EYA2: variants seen among roughly 807,000 people sequenced by gnomAD.
EYA2 encodes protein phosphatase EYA2.
Under a neutral mutation model 69.2 loss-of-function variants are expected in EYA2, and 31 were observed. The observed-to-expected ratio is 0.45, with a 90% CI of 0.34 to 0.60. The LOEUF is 0.60. EYA2 is among the 20% of genes least tolerant of loss of function. EYA2 has a pLI of 0.02. For missense variants in EYA2, 622 were observed against 701.2 expected, an observed-to-expected ratio of 0.89 and a Z score of 1.28; for synonymous variants, 257 against 279.4, an observed-to-expected ratio of 0.92 and a Z score of 0.80.
chr20:47,171,993 G>A (rs1473629865), intron 11 of EYA2, among the ~76,000 whole-genome samples: 1 of 151,940 alleles, frequency 6.6e-6, no homozygotes, highest in African/African-American at 2.4e-5. Flanking sequence ...CTTGGGAGGG[G>A]GAGGCTGAGG....
At chr20:46,902,115 G>C (rs1465560428) in intron 1 of EYA2, among the ~76,000 whole-genome samples, 1 of 152,150 alleles carries the variant, frequency 6.6e-6, no homozygotes, top group Non-Finnish European at 1.5e-5. Context: ...TTTTTTTGAG[G>C]GGGAAGCACA....
In EYA2 at chr20:46,910,086, C is replaced by T. The variant is rs577792589; in HGVS notation, c.-11+15099C>T. ...GGTGGGTCATCTGTATTTGTCTGTT[C>T]TTGCACTGCTATAAAGAAATACCTG... On this transcript the variant is annotated intron_variant, in intron 1 of 15. Transcript: ENST00000327619. Among the ~76,000 whole-genome samples the T allele has an allele frequency of 5.8e-4, 89 of 152,268 alleles. 1 individual carries two copies. Among genetic ancestry groups the T allele is most frequent in the African/African-American group, 9.1e-4 (38 of 41,552 alleles).
At chr20:47,085,219 G>C (rs936209647) in intron 7 of EYA2, among the ~76,000 whole-genome samples, 9 of 152,038 alleles carry the variant, frequency 5.9e-5, no homozygotes, top group Admixed American at 5.2e-4. Flanking sequence ...CTTACATCTA[G>C]ACCAATGTGT....
Position 47,143,042 on chromosome 20 carries a change from C to A in EYA2, c.889-17C>A, listed in dbSNP as rs1476221051. The A allele has an allele frequency of 6.2e-7, 1 of 1,609,344 alleles. No homozygotes were observed. On this transcript the variant is annotated splice_polypyrimidine_tract_variant and intron_variant, in intron 9 of 15. Coordinates refer to ENST00000327619, the MANE Select transcript of EYA2 (RefSeq NM_005244.5). ...AGGCTCCGCGTGCATGTGATTTTCC[C>A]CTTCTCTGCCTCGCAGGACACCACG...
rs762546619 is a variant in EYA2, at chr20:47,180,894, T to C, written c.1393T>C (p.Ser465Pro). The C allele has an allele frequency of 2.5e-6, 4 of 1,614,110 alleles. No homozygotes were observed. The South Asian group carries it at 4.4e-5, about 18-fold the overall frequency. The change falls in exon 14 of 16, where the codon TCT becomes CCT. Residue 465 changes from serine to proline, a missense_variant. Ser to Pro is a moderately conservative substitution (Grantham distance 74, BLOSUM62 -1). Around this residue, in one of 2 missense-constraint regions of EYA2, gnomAD observed 257 missense variants for 351.5 expected, o/e 0.73. Coordinates refer to ENST00000327619, the MANE Select transcript of EYA2 (RefSeq NM_005244.5). ...LAKVLLYGLG[S>P]VFPIENIYSA... Reference sequence around the variant, plus strand: ...CAAAGTCCTGCTATATGGCCTGGGGTCTGTGTTTCCTATTGAGAACATCTA... The same window carrying C: ...CAAAGTCCTGCTATATGGCCTGGGGCCTGTGTTTCCTATTGAGAACATCTA...
chr20:46,974,669 C>T (rs1032421777), intron 1 of EYA2, among the ~76,000 whole-genome samples: 76 of 152,256 alleles, frequency 5.0e-4, no homozygotes, highest in African/African-American at 1.7e-3. Context: ...TCTTCCCTTA[C>T]AGGAAGAGTC....
intron 7 of EYA2, among the ~76,000 whole-genome samples, chr20:47,086,881 A>G (rs1336975409): frequency 6.6e-6 from 1 of 151,542 alleles, no homozygotes; most frequent in Non-Finnish European, 1.5e-5. Flanking sequence ...TTAGATAACT[A>G]GCATTTACCC....
chr20:47,143,019 G>C (rs1568805182), intron 9 of EYA2, 40 bp from the exon 10 acceptor site: 1 of 1,583,994 alleles, frequency 6.3e-7, no homozygotes, highest in African/African-American at 1.3e-5. Context: ...GATTCCTCAG[G>C]CTCCGCGTGC....
intron 10 of EYA2, among the ~76,000 whole-genome samples, chr20:47,165,163 G>T (rs1174675659): frequency 6.6e-6 from 1 of 152,148 alleles, no homozygotes; most frequent in African/African-American, 2.4e-5. Flanking sequence ...GCAACTAATT[G>T]CTACCATATT....
intron 5 of EYA2, among the ~76,000 whole-genome samples, chr20:47,057,513 C>G (rs112221507): frequency 0.026 from 3,758 of 142,826 alleles, 123 homozygotes; most frequent in South Asian, 0.072. Context: ...TTATATCACC[C>G]CCCCCCCCCA....
chr20:47,169,086 G>A, intron 10 of EYA2, 53 bp from the exon 11 acceptor site: 2 of 1,561,376 alleles, frequency 1.3e-6, no homozygotes, highest in South Asian at 1.1e-5. Context: ...GGCTACATCA[G>A]ATTAACCAGG....
intron 1 of EYA2, among the ~76,000 whole-genome samples, chr20:46,985,305 A>G (rs1198926584): frequency 6.6e-6 from 1 of 152,206 alleles, no homozygotes; most frequent in Non-Finnish European, 1.5e-5. Flanking sequence ...CTGTGGAGGA[A>G]ATAAAGATGA....
intron 12 of EYA2, among the ~76,000 whole-genome samples, chr20:47,174,625 G>A (rs16992404): frequency 0.018 from 2,806 of 152,334 alleles, 43 homozygotes; most frequent in Non-Finnish European, 0.031. Flanking sequence ...TGCTAAGCGC[G>A]GTCCTGGCAG....
At chr20:47,187,601 G>A (rs2034671093) in intron 15 of EYA2, among the ~76,000 whole-genome samples, 1 of 152,120 alleles carries the variant, frequency 6.6e-6, no homozygotes, top group Non-Finnish European at 1.5e-5. Context: ...GAAGTAACAG[G>A]ATTCAGAGCA....
At chr20:47,178,668 AT>A in intron 12 of EYA2, among the ~76,000 whole-genome samples, 1 of 151,830 alleles carries the variant, frequency 6.6e-6, no homozygotes, top group East Asian at 1.9e-4. Context: ...ACCTGTGTCC[AT>A]TTTTGTTCAT....
chr20:47,068,521 T>TTTG (rs140140822), intron 5 of EYA2, among the ~76,000 whole-genome samples: 1,805 of 152,046 alleles, frequency 0.012, 35 homozygotes, highest in African/African-American at 0.04. Context: ...CCCAGAAAGG[T>TTTG]TTGTTGTTGT....
At chr20:46,903,479 A>G (rs1171305358) in intron 1 of EYA2, among the ~76,000 whole-genome samples, 2 of 152,174 alleles carry the variant, frequency 1.3e-5, no homozygotes, top group Admixed American at 6.5e-5. Flanking sequence ...AGAGAATCAG[A>G]CTTTCCAAAC....
chr20:47,026,371 T>C (rs771593023), intron 5 of EYA2, among the ~76,000 whole-genome samples: 1 of 152,152 alleles, frequency 6.6e-6, no homozygotes, highest in Non-Finnish European at 1.5e-5. Context: ...AAAAGGCTTT[T>C]CTAACCAGGA....
chr20:46,944,774 T>C (rs1978355154), intron 1 of EYA2, among the ~76,000 whole-genome samples: 1 of 152,190 alleles, frequency 6.6e-6, no homozygotes, highest in South Asian at 2.1e-4. Context: ...AAGGTGAAGA[T>C]GCTACATTTA....
Sources: gnomAD v4.1 joint callset for allele counts (sites outside exome capture counted in the v4.1 genomes callset) on GRCh38, gnomAD v4.1.1 for gene constraint, gnomAD v4.1.1 regional missense constraint, MANE v1.5 for transcripts, NCBI Gene and HGNC (gene_info 2026-07-23, HGNC 2026-07-21) for gene names.